DNAH11: variants seen among roughly 807,000 people sequenced by gnomAD.
The protein encoded by DNAH11 is dynein axonemal heavy chain 11, also known as axonemal beta dynein heavy chain 11.
A neutral mutation model predicts 526.0 loss-of-function variants in DNAH11; 442 were observed. That is an observed-to-expected ratio of 0.84 (90% CI 0.78 to 0.91). The LOEUF (loss-of-function observed/expected upper bound fraction) is 0.91, where lower values mean the gene tolerates loss of function less well. Among genes scored for constraint, DNAH11 ranks in the 40% least tolerant of loss-of-function variants. The pLI is 0.00. For synonymous variants in DNAH11, 2,461 were observed against 1,935.9 expected (o/e 1.27, Z -7.12); for missense variants, 6,989 against 5,448.7 (o/e 1.28, Z -8.90).
chr7:21,771,634 C>T (rs1016264731), intron 55 of DNAH11, among the ~76,000 whole-genome samples: 4 of 152,096 alleles, frequency 2.6e-5, no homozygotes, highest in South Asian at 2.1e-4. Context: ...TATAACCATT[C>T]GATACTGGCA....
chr7:21,572,913 C>G (rs1168954753), intron 8 of DNAH11, among the ~76,000 whole-genome samples: 1 of 152,124 alleles, frequency 6.6e-6, no homozygotes, highest in Non-Finnish European at 1.5e-5. Context: ...ATCCCCAAAG[C>G]CTTGTAAGAT....
chr7:21,799,993 T>C (rs1235813142), intron 61 of DNAH11, among the ~76,000 whole-genome samples: 1 of 152,190 alleles, frequency 6.6e-6, no homozygotes, highest in Admixed American at 6.5e-5. Context: ...TCAAGACTTT[T>C]TGTCTATAAG....
At chr7:21,584,534 A>G (rs148718153) in intron 9 of DNAH11, among the ~76,000 whole-genome samples, 89 of 152,300 alleles carry the variant, frequency 5.8e-4, no homozygotes, top group African/African-American at 2.1e-3. Flanking sequence ...CTATGTAACA[A>G]ACCTGCACAT....
intron 35 of DNAH11, among the ~76,000 whole-genome samples, chr7:21,695,096 A>G (rs139305038): frequency 0.012 from 1,825 of 152,316 alleles, 23 homozygotes; most frequent in African/African-American, 0.04. Context: ...ATAAGAGAGG[A>G]CACAAACAAA....
At chr7:21,706,132 T>C (rs1020546939) in intron 39 of DNAH11, among the ~76,000 whole-genome samples, 3 of 152,226 alleles carry the variant, frequency 2.0e-5, no homozygotes, top group African/African-American at 4.8e-5. Context: ...ATTTTTGATG[T>C]ACCTATTATG....
intron 29 of DNAH11, among the ~76,000 whole-genome samples, 171 bp from the exon 30 acceptor site, chr7:21,658,627 A>T (rs1399520352): frequency 1.3e-5 from 2 of 152,134 alleles, no homozygotes; most frequent in African/African-American, 4.8e-5. Context: ...AGATTTCACC[A>T]ATCCGTTGTT....
chr7:21,683,688 A>T, intron 31 of DNAH11, 96 bp from the exon 32 acceptor site: 2 of 1,333,118 alleles, frequency 1.5e-6, no homozygotes, highest in Non-Finnish European at 2.0e-6. Flanking sequence ...ATTTATGAGA[A>T]TTTTAGAAAT....
At chr7:21,857,848 TC>T (rs1782912385) in intron 68 of DNAH11, among the ~76,000 whole-genome samples, 1 of 152,192 alleles carries the variant, frequency 6.6e-6, no homozygotes, top group African/African-American at 2.4e-5. Context: ...CTATACATTT[TC>T]TAGGAGAAAA....
At chr7:21,731,158 A>G (rs554078586) in intron 45 of DNAH11, among the ~76,000 whole-genome samples, 2 of 152,048 alleles carry the variant, frequency 1.3e-5, no homozygotes, top group East Asian at 1.9e-4. Context: ...AAAAAAAACT[A>G]TGTGAATTGT....
chr7:21,793,736 G>A lies in DNAH11; in HGVS notation c.10026+4394G>A, dbSNP rs956118225. 3.3e-5 allele frequency among the ~76,000 whole-genome samples: 5 copies of A among 152,168 alleles called. No individual in the cohort carries two copies. The South Asian group carries it at 8.3e-4, about 25-fold the overall frequency. ...ATTAATGTTTCTTTGTTGATTTCAT[G>A]TCTGGATGATCTGTCTGTTAGTGAG... On this transcript the variant is annotated intron_variant, in intron 61 of 81. Transcript: ENST00000409508.
rs189147494 is a variant in DNAH11, at chr7:21,875,969, C to T, written c.12195+2468C>T. Among the ~76,000 whole-genome samples the T allele has an allele frequency of 6.1e-3, 903 of 148,964 alleles. 5 individuals are homozygous for T. The highest frequency in any genetic ancestry group is 7.9e-3 in the Non-Finnish European group (536 of 67,502). On this transcript the variant is annotated intron_variant, in intron 74 of 81. Coordinates refer to ENST00000409508, the MANE Select transcript of DNAH11 (RefSeq NM_001277115.2). ...TACGATCTCGGCTCACTGCAAGCTCCGCCTCCCAGGTTCACGCCATTCTCC... is the reference window on the plus strand; with the variant it reads ...TACGATCTCGGCTCACTGCAAGCTCTGCCTCCCAGGTTCACGCCATTCTCC...
chr7:21,606,599 A>G, intron 19 of DNAH11, 48 bp from the exon 20 acceptor site: 1 of 1,287,548 alleles, frequency 7.8e-7, no homozygotes, highest in African/African-American at 1.6e-5. Flanking sequence ...TAATTGAAGT[A>G]TTTGTTTGAA....
At chr7:21,563,744 A>G (rs1176527194) in intron 5 of DNAH11, among the ~76,000 whole-genome samples, 1 of 152,200 alleles carries the variant, frequency 6.6e-6, no homozygotes, top group African/African-American at 2.4e-5. Flanking sequence ...TGTCATAGGA[A>G]ACTGGAATGA....
At position 21,582,668 on chromosome 7, in the gene DNAH11, A is replaced by G. The variant is rs565140365; in HGVS notation, c.1710+647A>G. On this transcript the variant is annotated intron_variant, in intron 9 of 81. Transcript: ENST00000409508. The stretch of plus-strand genomic sequence containing the variant: ...TGTCCCCAGATGAAAAGCTTATAAT[A>G]TGAGGAATAGCAACACCATGTAAAA... Among the ~76,000 whole-genome samples, 7 of 152,302 alleles carry G rather than the reference A, an allele frequency of 4.6e-5. No homozygotes were observed. In the East Asian group the frequency reaches 5.8e-4, roughly 13 times the overall value.
chr7:21,718,389 C>T (rs1278466646), intron 43 of DNAH11, among the ~76,000 whole-genome samples: 1 of 152,132 alleles, frequency 6.6e-6, no homozygotes, highest in Non-Finnish European at 1.5e-5. Context: ...CAAATTTGTG[C>T]AATTAAAGAT....
Position 21,635,883 on chromosome 7 carries a change from A to C in DNAH11, c.4513A>C (p.Thr1505Pro), listed in dbSNP as rs762286891. The C allele has an allele frequency of 6.2e-7, 1 of 1,609,956 alleles. No homozygotes were observed. The highest frequency in any genetic ancestry group is 8.5e-7 in the Non-Finnish European group (1 of 1,177,904). Reference protein sequence around the residue: ...TLEHNQVQLQTLLQSKYVEYF... With the variant: ...TLEHNQVQLQPLLQSKYVEYF... ...GCCTTTATTTTAGGTTCAGTTGCAG[A>C]CTCTTCTTCAAAGCAAGTATGTAGA... Residue 1505 changes from threonine to proline, a missense_variant, in exon 26 of 82, where the codon ACT (threonine) becomes CCT (proline). Thr to Pro is a conservative substitution (Grantham distance 38). Transcript: ENST00000409508.
chr7:21,568,561 T>G (rs1293706608), intron 6 of DNAH11, among the ~76,000 whole-genome samples: 2 of 152,050 alleles, frequency 1.3e-5, no homozygotes, highest in Non-Finnish European at 2.9e-5. Flanking sequence ...ACAGACTGAG[T>G]GTTTTCATTT....
intron 25 of DNAH11, among the ~76,000 whole-genome samples, chr7:21,623,106 TCAAA>T (rs1174533793): frequency 2.0e-5 from 3 of 151,548 alleles, no homozygotes; most frequent in Non-Finnish European, 4.4e-5. Flanking sequence ...TACAATGAAC[TCAAA>T]CAAATTTACA....
Position 21,636,095 on chromosome 7 carries a change from G to C in DNAH11, c.4725G>C (p.Lys1575Asn). 6.2e-7 allele frequency: 1 copy of C among 1,605,844 alleles called. No homozygotes were observed. The highest frequency in any genetic ancestry group is 8.5e-7 in the Non-Finnish European group (1 of 1,174,790). The change falls in exon 26 of 82, where the codon AAG becomes AAC. Residue 1575 changes from lysine (K) to asparagine (N), a missense_variant and splice_region_variant. Coordinates refer to ENST00000409508, the MANE Select transcript of DNAH11 (RefSeq NM_001277115.2). ...TTGATGGGGTGGATGCTGAATTTAA[G>C]GTTTGTCAAAGACAGGCTGTATGCT... Reference protein sequence around the residue: ...RRFDGVDAEFKELMFKTAKVE... With the variant: ...RRFDGVDAEFNELMFKTAKVE...
Sources: gnomAD v4.1 joint callset for allele counts (sites outside exome capture counted in the v4.1 genomes callset) on GRCh38, gnomAD v4.1.1 for gene constraint, MANE v1.5 for transcripts, NCBI Gene and HGNC (gene_info 2026-07-23, HGNC 2026-07-21) for gene names.